The following NTAQ1 variants were observed in gnomAD, a reference collection of about 807,000 sequenced individuals.
NTAQ1 encodes N-terminal glutamine amidase 1.
In NTAQ1, 21 loss-of-function variants were observed where a neutral mutation model predicts 28.2. The observed-to-expected ratio is 0.74, with a 90% CI of 0.53 to 1.07. The LOEUF (loss-of-function observed/expected upper bound fraction) is 1.07, where lower values mean the gene tolerates loss of function less well. Ranked by LOEUF, NTAQ1 falls within the 50% of genes least tolerant of loss-of-function variation. The probability of loss-of-function intolerance (pLI) is 0.00; values close to 1 mark genes in which losing one functional copy is unlikely to be tolerated. For synonymous variants in NTAQ1, 105 were observed against 90.0 expected, an observed-to-expected ratio of 1.17 and a Z score of -0.94; for missense variants, 264 against 256.6, an observed-to-expected ratio of 1.03 and a Z score of -0.20.
Position 123,427,951 on chromosome 8 carries a change from A to G in NTAQ1, c.111A>G (p.Glu37=). The change falls in exon 2 of 6, where the codon GAA becomes GAG. Residue 37 remains glutamate (E), a synonymous_variant. Transcript: ENST00000287387. The part of the protein sequence containing the change: ...YCEENIWKLC[E]YIKNHDQYPL... ...AAGAAAATATTTGGAAGCTCTGTGA[A>G]TACATCAAAAACCATGACCAGTATC... is the stretch of plus-strand genomic sequence containing the variant. The G allele has an allele frequency of 6.2e-7, 1 of 1,610,134 alleles. No individual in the cohort carries two copies. The highest frequency in any genetic ancestry group is 1.1e-5 in the South Asian group (1 of 89,932).
rs1211355739 is a variant in NTAQ1 at position 123,461,587 on chromosome 8, G to A, written c.373-5492G>A. 3.9e-5 allele frequency among the ~76,000 whole-genome samples: 6 copies of A among 152,282 alleles called. No individual in the cohort carries two copies. In the East Asian group the frequency reaches 1.2e-3, roughly 29 times the overall value. On this transcript the variant is annotated intron_variant, in intron 6 of 6. Transcript: ENST00000650311. ...TTCTGCTCTACCATGCTTAGTATCT[G>A]CTATAATGACACCCTAGGTCCTTTC...
chr8:123,421,572 G>C (rs1004922704), intron 1 of NTAQ1, among the ~76,000 whole-genome samples: 16 of 148,560 alleles, frequency 1.1e-4, no homozygotes, highest in South Asian at 8.6e-4. Context: ...GCAGTGGCTC[G>C]ATCTCGGCTC....
At chr8:123,443,581 C>T (rs775947042), downstream of NTAQ1, among the ~76,000 whole-genome samples, 18 of 152,274 alleles carry the variant, frequency 1.2e-4, no homozygotes, top group South Asian at 4.1e-4. Flanking sequence ...GCCAAGCCCA[C>T]CTTTTTTGTT....
In NTAQ1 at chr8:123,441,320, C is replaced by T; in HGVS notation, c.523C>T (p.Leu175=). Residue 175 remains leucine (L), a synonymous_variant, in exon 6 of 6, where the codon CTG becomes TTG. Coordinates refer to ENST00000287387, the MANE Select transcript of NTAQ1 (RefSeq NM_018024.3). ...CIETGDSKMN[L]NDFISMDPKV... ...TATTTTTTTAGATTCCAAAATGAAC[C>T]TGAACGATTTCATCAGTATGGATCC... The T allele has an allele frequency of 6.2e-7, 1 of 1,607,176 alleles. No individual in the cohort carries two copies. The highest frequency in any genetic ancestry group is 2.2e-5 in the East Asian group (1 of 44,620).
exon 7 of NTAQ1, among the ~76,000 whole-genome samples, chr8:123,468,569 G>A (rs1044914971): frequency 6.6e-6 from 1 of 152,156 alleles, no homozygotes; most frequent in African/African-American, 2.4e-5. Flanking sequence ...ATATTCCATT[G>A]TATGTATATA....
chr8:123,468,214 T>A (rs1816002778), exon 7 of NTAQ1, among the ~76,000 whole-genome samples: 1 of 152,154 alleles, frequency 6.6e-6, no homozygotes, highest in African/African-American at 2.4e-5. Flanking sequence ...AAAACTTTAT[T>A]TATGTATTTA....
At chr8:123,460,801 G>A (rs1198859145) in intron 6 of NTAQ1, among the ~76,000 whole-genome samples, 2 of 152,136 alleles carry the variant, frequency 1.3e-5, no homozygotes, top group Non-Finnish European at 2.9e-5. Context: ...GGACTTGGTA[G>A]GTTTGGTTTG....
intron 1 of NTAQ1, among the ~76,000 whole-genome samples, chr8:123,425,668 A>C (rs1464868425): frequency 6.6e-6 from 1 of 152,078 alleles, no homozygotes; most frequent in Non-Finnish European, 1.5e-5. Flanking sequence ...GACCATCCTC[A>C]GGGCTGTTCA....
chr8:123,418,114 G>A (rs951858446), intron 1 of NTAQ1, among the ~76,000 whole-genome samples: 1 of 152,122 alleles, frequency 6.6e-6, no homozygotes, highest in Non-Finnish European at 1.5e-5. Flanking sequence ...GAACAAAATC[G>A]ACAAATTCCC....
intron 1 of NTAQ1, among the ~76,000 whole-genome samples, chr8:123,421,423 C>T (rs1013225834): frequency 6.6e-6 from 1 of 151,944 alleles, no homozygotes; most frequent in Non-Finnish European, 1.5e-5. Flanking sequence ...GATGGTATCT[C>T]ATTGTGGTTT....
At chr8:123,422,495 T>C (rs115542139) in intron 1 of NTAQ1, among the ~76,000 whole-genome samples, 1,523 of 152,214 alleles carry the variant, frequency 0.01, 20 homozygotes, top group African/African-American at 0.034. Context: ...CAGGCTCATC[T>C]TGAACTCTTG....
At chr8:123,451,289 G>A (rs777939091), downstream of NTAQ1, among the ~76,000 whole-genome samples, 2 of 152,164 alleles carry the variant, frequency 1.3e-5, no homozygotes, top group Non-Finnish European at 2.9e-5. Context: ...CTTCATAGCA[G>A]TTATCACTAA....
chr8:123,426,866 A>G (rs528804402), intron 1 of NTAQ1, among the ~76,000 whole-genome samples: 2 of 152,270 alleles, frequency 1.3e-5, no homozygotes, highest in African/African-American at 4.8e-5. Flanking sequence ...AGGCTGAGGC[A>G]TGACAATCAC....
chr8:123,452,630 G>A (rs756237200), downstream of NTAQ1, among the ~76,000 whole-genome samples: 2 of 151,372 alleles, frequency 1.3e-5, no homozygotes, highest in Non-Finnish European at 2.9e-5. Flanking sequence ...GGCTGGGCAC[G>A]GTGGCTCATG....
intron 1 of NTAQ1, among the ~76,000 whole-genome samples, chr8:123,422,335 G>A (rs1360035124): frequency 6.6e-6 from 1 of 151,504 alleles, no homozygotes; most frequent in East Asian, 1.9e-4. Flanking sequence ...GAGTGCAGTG[G>A]CACAATTATA....
chr8:123,458,608 A>G (rs1815724213), intron 6 of NTAQ1, among the ~76,000 whole-genome samples: 1 of 151,698 alleles, frequency 6.6e-6, no homozygotes, highest in Admixed American at 6.6e-5. Context: ...GACAGGAAAA[A>G]TAGTTGGTAC....
chr8:123,466,172 G>A (rs973073295), intron 6 of NTAQ1, among the ~76,000 whole-genome samples: 3 of 152,186 alleles, frequency 2.0e-5, no homozygotes, highest in African/African-American at 7.2e-5. Flanking sequence ...TCCCAGAGAT[G>A]GGAATCACCA....
At position 123,441,361 on chromosome 8, in the gene NTAQ1, C is replaced by A; in HGVS notation, c.564C>A (p.Gly188=). 6.2e-7 allele frequency: 1 copy of A among 1,612,304 alleles called. No homozygotes were observed. Residue 188 remains glycine (G), a synonymous_variant, in exon 6 of 6, where the codon GGC becomes GGA. Coordinates refer to ENST00000287387, the MANE Select transcript of NTAQ1 (RefSeq NM_018024.3). The part of the protein sequence containing the change: ...FISMDPKVGW[G]AVYTLSEFTH... The stretch of plus-strand genomic sequence containing the variant: ...GTATGGATCCCAAGGTAGGATGGGG[C>A]GCCGTCTACACACTATCCGAATTTA...
intron 5 of NTAQ1, 65 bp from the exon 6 acceptor site, chr8:123,441,241 G>A: frequency 7.7e-7 from 1 of 1,290,388 alleles, no homozygotes; most frequent in South Asian, 1.3e-5. Flanking sequence ...CTTCTGCATT[G>A]TTTTATTGCT....
Sources: gnomAD v4.1 joint callset for allele counts (sites outside exome capture counted in the v4.1 genomes callset) on GRCh38, gnomAD v4.1.1 for gene constraint, MANE v1.5 for transcripts, NCBI Gene and HGNC (gene_info 2026-07-23, HGNC 2026-07-21) for gene names.